ABAT: variants seen among roughly 807,000 people sequenced by gnomAD.
ABAT encodes the protein 4-aminobutyrate aminotransferase, also known as 4-aminobutyrate aminotransferase, mitochondrial.
Under a neutral mutation model 64.6 loss-of-function variants are expected in ABAT, and 45 were observed. The ratio of observed to expected loss-of-function variants is 0.70; its 90% CI spans 0.55 to 0.89. ABAT has a LOEUF of 0.89. Ranked by LOEUF, ABAT falls within the 40% of genes least tolerant of loss-of-function variation. The pLI is 0.00. For missense variants in ABAT, 633 were observed against 658.4 expected (o/e 0.96, Z 0.42); for synonymous variants, 297 against 250.5 (o/e 1.19, Z -1.75).
chr16:8,737,560 C>T (rs370779635), intron 2 of ABAT: 4 of 151,900 alleles, frequency 2.6e-5, no homozygotes, highest in Non-Finnish European at 2.9e-5. Context: ...ACAGGGAGAA[C>T]CCATATGGCC....
At chr16:8,780,763 TAAAAAAAAA>T (rs60149541) in intron 15 of ABAT, 4 of 135,608 alleles carry the variant, frequency 2.9e-5, no homozygotes, top group African/African-American at 1.3e-4. Context: ...ACTCCATCTC[TAAAAAAAAA>T]AAAAAAAAAG....
chr16:8,722,975 A>C (rs1596418953), intron 1 of ABAT: 284 of 778,716 alleles, frequency 3.6e-4, no homozygotes, highest in Non-Finnish European at 5.0e-4. Context: ...AAGGTGGCTC[A>C]TGCCTGTAAT....
chr16:8,682,829 A>C (rs934197204), intron 1 of ABAT, among the ~76,000 whole-genome samples: 2 of 152,216 alleles, frequency 1.3e-5, no homozygotes, highest in African/African-American at 4.8e-5. Flanking sequence ...TCTAGGAGCT[A>C]GCTAGAAATG....
chr16:8,735,773 T>C lies in ABAT; in HGVS notation c.34T>C (p.Cys12Arg). 2 of 1,608,074 alleles carry C rather than the reference T, an allele frequency of 1.2e-6. No homozygotes were observed. The highest frequency in any genetic ancestry group is 1.1e-5 in the South Asian group (1 of 89,570). ...CATGTTGCTCGCCCAGCGCCTGGCC[T>C]GCAGCTTCCAGCACAGCTACCGCCT... ...ASMLLAQRLA[C>R]SFQHSYRLLV... is the part of the protein sequence containing the mutation. The change falls in exon 2 of 16, where the codon TGC (cysteine) becomes CGC (arginine). Residue 12 changes from cysteine to arginine, a missense_variant. Cys to Arg is a radical substitution (Grantham distance 180, BLOSUM62 -3). Coordinates refer to ENST00000268251, the MANE Select transcript of ABAT (RefSeq NM_020686.6).
chr16:8,735,645 C>A, intron 1 of ABAT, 54 bp from the exon 2 acceptor site: 2 of 1,422,796 alleles, frequency 1.4e-6, no homozygotes, highest in Non-Finnish European at 1.9e-6. Context: ...GGATCTTTGG[C>A]TGAGAGGGGA....
In ABAT at chr16:8,783,611, A is replaced by T. The variant is rs762048803; in HGVS notation, c.*2181A>T. ...TTCCACAGGCAGCATCCCAAGGTTCAATAAGGCCTTATTTAACAAGCAAGC... is the reference window on the plus strand; with the variant it reads ...TTCCACAGGCAGCATCCCAAGGTTCTATAAGGCCTTATTTAACAAGCAAGC... On this transcript the variant is annotated 3_prime_UTR_variant, in exon 16 of 16. Transcript: ENST00000268251. 3 of 152,250 alleles carry T rather than the reference A, an allele frequency of 2.0e-5. No individual in the cohort carries two copies. Among genetic ancestry groups the T allele is most frequent in the Non-Finnish European group, 4.4e-5 (3 of 68,040 alleles). 9.4% of individuals were successfully genotyped at this position (152,250 alleles called of 1,614,324 possible).
intron 1 of ABAT, among the ~76,000 whole-genome samples, chr16:8,726,202 G>C (rs889788317): frequency 4.7e-5 from 7 of 150,216 alleles, no homozygotes. Flanking sequence ...TGTGTGCCTG[G>C]CTTATTTCAC....
chr16:8,723,983 G>A (rs894848640), intron 1 of ABAT, among the ~76,000 whole-genome samples: 18 of 151,196 alleles, frequency 1.2e-4, no homozygotes, highest in African/African-American at 4.4e-4. Context: ...TGGGATTACA[G>A]GTGCACGCCA....
intron 5 of ABAT, among the ~76,000 whole-genome samples, chr16:8,756,843 T>C (rs1171036812): frequency 1.3e-5 from 2 of 152,238 alleles, no homozygotes; most frequent in African/African-American, 4.8e-5. Context: ...TTATACACAC[T>C]GGTAGGATAA....
rs888613568 is a variant in ABAT, at chr16:8,774,471, G to A, written c.955-419G>A. On this transcript the variant is annotated intron_variant, in intron 12 of 15. Transcript: ENST00000268251. ...ATAAGACGTGAGTTGACTTAACACAGATGCTGAGTTAGAAATAGCCTTGGT... is the reference window on the plus strand; with the variant it reads ...ATAAGACGTGAGTTGACTTAACACAAATGCTGAGTTAGAAATAGCCTTGGT... Among the ~76,000 whole-genome samples, 10 of 152,064 alleles carry A rather than the reference G, an allele frequency of 6.6e-5. No individual in the cohort carries two copies. The South Asian group carries it at 1.9e-3, about 28-fold the overall frequency.
intron 1 of ABAT, among the ~76,000 whole-genome samples, chr16:8,684,127 A>T (rs1205813814): frequency 2.0e-5 from 3 of 152,204 alleles, no homozygotes; most frequent in African/African-American, 7.2e-5. Flanking sequence ...CAAAGTAAAA[A>T]GAGGTTACCA....
chr16:8,779,632 G>A (rs1272207890), intron 15 of ABAT, 42 bp downstream of exon 15: 1 of 1,529,810 alleles, frequency 6.5e-7, no homozygotes, highest in Admixed American at 1.7e-5. Context: ...TGAGCATCCA[G>A]TATCTCCTGC....
At chr16:8,732,757 G>GC (rs1415700966) in intron 1 of ABAT, among the ~76,000 whole-genome samples, 5 of 150,166 alleles carry the variant, frequency 3.3e-5, no homozygotes, top group African/African-American at 1.2e-4. Context: ...AGACGGGGTG[G>GC]TGGCCGGGCA....
chr16:8,685,663 A>G (rs6498755), intron 1 of ABAT, among the ~76,000 whole-genome samples: 88,377 of 151,954 alleles, frequency 0.58, 26,118 homozygotes, highest in East Asian at 0.78. Flanking sequence ...GCAACAGAGC[A>G]AAACCCTGTC....
intron 1 of ABAT, among the ~76,000 whole-genome samples, chr16:8,723,848 T>A (rs2058455109): frequency 8.2e-6 from 1 of 121,790 alleles, no homozygotes; most frequent in Non-Finnish European, 1.7e-5. Context: ...TTTTTTTTTT[T>A]TTTTTTTTTT....
chr16:8,706,762 G>A (rs1731070), intron 1 of ABAT, among the ~76,000 whole-genome samples: 104,511 of 152,150 alleles, frequency 0.69, 36,801 homozygotes, highest in East Asian at 0.85. Context: ...ACTGTGATGA[G>A]TGGAAAGAAT....
chr16:8,698,091 A>G (rs1049323999), intron 1 of ABAT, among the ~76,000 whole-genome samples: 24 of 152,186 alleles, frequency 1.6e-4, no homozygotes, highest in Admixed American at 1.4e-3. Context: ...GACTCAAAAC[A>G]ATGGAAGTTT....
chr16:8,706,831 T>G (rs570543860), intron 1 of ABAT, among the ~76,000 whole-genome samples: 1 of 152,360 alleles, frequency 6.6e-6, no homozygotes, highest in Admixed American at 6.5e-5. Flanking sequence ...AGAAGGTTTA[T>G]AAATGCTTCT....
intron 1 of ABAT, among the ~76,000 whole-genome samples, chr16:8,693,185 T>C (rs1170148281): frequency 6.6e-6 from 1 of 152,146 alleles, no homozygotes; most frequent in Non-Finnish European, 1.5e-5. Flanking sequence ...CCCCAAAAAC[T>C]TTACTACTAA....
Sources: allele counts gnomAD v4.1 joint callset (sites outside exome capture counted in the v4.1 genomes callset), GRCh38; gene constraint gnomAD v4.1.1; transcripts MANE v1.5; gene names NCBI Gene and HGNC (gene_info 2026-07-23, HGNC 2026-07-21).